Variants in TOM1L2 observed in about 807,000 individuals in gnomAD.
TOM1L2 encodes TOM1-like protein 2.
Under a neutral mutation model 67.9 loss-of-function variants are expected in TOM1L2, and 31 were observed. That is an observed-to-expected ratio of 0.46 (90% CI 0.34 to 0.62). TOM1L2 has a LOEUF of 0.62. TOM1L2 is among the 20% of genes least tolerant of loss of function. The probability of loss-of-function intolerance (pLI) is 0.01; values close to 1 mark genes in which losing one functional copy is unlikely to be tolerated. For missense variants in TOM1L2, 606 were observed against 663.5 expected (o/e 0.91, Z 0.95); for synonymous variants, 256 against 254.0 (o/e 1.01, Z -0.07).
chr17:17,930,643 C>T (rs986798176), intron 1 of TOM1L2, among the ~76,000 whole-genome samples: 2 of 152,108 alleles, frequency 1.3e-5, no homozygotes, highest in Non-Finnish European at 2.9e-5. Flanking sequence ...TGTGATGGTA[C>T]AAGAAGGGTA....
intron 3 of TOM1L2, among the ~76,000 whole-genome samples, chr17:17,897,819 T>C (rs2038646819): frequency 6.6e-6 from 1 of 152,184 alleles, no homozygotes; most frequent in Middle Eastern, 3.4e-3. Flanking sequence ...CGGGGGAGGA[T>C]AGTAAAATCT....
chr17:17,952,259 C>T (rs1454913385), intron 1 of TOM1L2, among the ~76,000 whole-genome samples: 1 of 151,334 alleles, frequency 6.6e-6, no homozygotes, highest in Non-Finnish European at 1.5e-5. Context: ...CCCATTTATA[C>T]AAAAGAAACT....
Position 17,844,800 on chromosome 17 carries a change from G to A in TOM1L2, c.*2835C>T. ...TCACATCTCAGCAACAATGAACGCA[G>A]AAAGGGTTAAACACATTCCCAAGAA... is the stretch of plus-strand genomic sequence containing the variant. On this transcript the variant is annotated 3_prime_UTR_variant, in exon 15 of 15. Coordinates refer to ENST00000379504, the MANE Select transcript of TOM1L2 (RefSeq NM_001082968.2). 6.6e-6 allele frequency: 1 copy of A among 152,256 alleles called. No individual in the cohort carries two copies. Among genetic ancestry groups the A allele is most frequent in the East Asian group, 1.9e-4 (1 of 5,202 alleles). The allele number at this position is 152,256 out of a possible 1,614,324, so 9.4% of individuals were successfully genotyped here.
At chr17:17,923,205 C>A (rs1336722953) in intron 1 of TOM1L2, among the ~76,000 whole-genome samples, 1 of 152,044 alleles carries the variant, frequency 6.6e-6, no homozygotes, top group Non-Finnish European at 1.5e-5. Flanking sequence ...CAAGACCAGC[C>A]TGGCCAACTT....
At chr17:17,910,737 T>G (rs2039310329) in intron 1 of TOM1L2, among the ~76,000 whole-genome samples, 1 of 152,008 alleles carries the variant, frequency 6.6e-6, no homozygotes, top group South Asian at 2.1e-4. Flanking sequence ...GCCTGGCTAA[T>G]TTTTGTATTT....
chr17:17,958,276 G>T (rs773560651), intron 1 of TOM1L2, among the ~76,000 whole-genome samples: 1 of 152,160 alleles, frequency 6.6e-6, no homozygotes, highest in South Asian at 2.1e-4. Flanking sequence ...CAAATCAGCA[G>T]CAGAGCAGTG....
At chr17:17,870,758 T>C (rs1012699906) in intron 7 of TOM1L2, among the ~76,000 whole-genome samples, 7 of 152,206 alleles carry the variant, frequency 4.6e-5, no homozygotes, top group South Asian at 2.1e-4. Context: ...TCATAAACTC[T>C]TGAGGGGGTG....
intron 1 of TOM1L2, among the ~76,000 whole-genome samples, chr17:17,925,541 T>C (rs2040046170): frequency 6.6e-6 from 1 of 151,942 alleles, no homozygotes; most frequent in South Asian, 2.1e-4. Flanking sequence ...AATTCTTCCA[T>C]CAAAAATAGC....
At chr17:17,859,931 G>C (rs1395293747) in intron 12 of TOM1L2, 1 of 152,272 alleles carries the variant, frequency 6.6e-6, no homozygotes, top group African/African-American at 2.4e-5. Context: ...GGAGTCATCA[G>C]GACCTTTGAA....
In TOM1L2 at chr17:17,900,377, C is replaced by G. The variant is rs538958845; in HGVS notation, c.138-1703G>C. Among the ~76,000 whole-genome samples the G allele has an allele frequency of 2.0e-5, 3 of 151,890 alleles. No homozygotes were observed. In the South Asian group the frequency reaches 6.2e-4, roughly 32 times the overall value. On this transcript the variant is annotated intron_variant, in intron 2 of 14. Coordinates refer to ENST00000379504, the MANE Select transcript of TOM1L2 (RefSeq NM_001082968.2). ...TCTACTAAAAATACAAAAAAATTAG[C>G]TGGGCATGGTGATGTGTGCCTGTAG...
intron 1 of TOM1L2, among the ~76,000 whole-genome samples, chr17:17,925,389 G>GTTGAA (rs1407690746): frequency 1.3e-5 from 2 of 152,122 alleles, no homozygotes; most frequent in African/African-American, 2.4e-5. Flanking sequence ...TAATCAGTGT[G>GTTGAA]TTGAAGTATT....
chr17:17,948,306 C>T (rs960060941), intron 1 of TOM1L2, among the ~76,000 whole-genome samples: 1 of 152,138 alleles, frequency 6.6e-6, no homozygotes, highest in Non-Finnish European at 1.5e-5. Context: ...AGGGCAATAG[C>T]CCCCCAGAGC....
intron 1 of TOM1L2, among the ~76,000 whole-genome samples, chr17:17,931,920 G>T (rs1179532851): frequency 1.3e-5 from 2 of 152,154 alleles, no homozygotes; most frequent in African/African-American, 4.8e-5. Flanking sequence ...ATAACCCGAG[G>T]TGGCCACCTT....
intron 1 of TOM1L2, among the ~76,000 whole-genome samples, chr17:17,909,124 T>C (rs1340622988): frequency 6.6e-6 from 1 of 152,154 alleles, no homozygotes; most frequent in Non-Finnish European, 1.5e-5. Context: ...GAGCTTGCAG[T>C]GAGCCAAGTT....
chr17:17,938,822 C>T (rs1053658026), intron 1 of TOM1L2, among the ~76,000 whole-genome samples: 4 of 151,148 alleles, frequency 2.6e-5, no homozygotes, highest in Admixed American at 6.6e-5. Context: ...ACCGCCCCAC[C>T]TTGGCCTCCT....
chr17:17,943,787 C>T (rs1261451727), intron 1 of TOM1L2, among the ~76,000 whole-genome samples: 1 of 152,192 alleles, frequency 6.6e-6, no homozygotes, highest in African/African-American at 2.4e-5. Context: ...CAACCTGATC[C>T]TCAGGGTGAC....
At chr17:17,854,652 G>A (rs2036168392) in intron 12 of TOM1L2, among the ~76,000 whole-genome samples, 1 of 151,826 alleles carries the variant, frequency 6.6e-6, no homozygotes, top group Non-Finnish European at 1.5e-5. Context: ...AGCCTCCTGA[G>A]TAGCTGGGAT....
At chr17:17,937,114 C>A (rs1401849574) in intron 1 of TOM1L2, among the ~76,000 whole-genome samples, 1 of 152,166 alleles carries the variant, frequency 6.6e-6, no homozygotes, top group Admixed American at 6.5e-5. Flanking sequence ...GTCCCTGCAG[C>A]CCCAAAGGAT....
intron 1 of TOM1L2, among the ~76,000 whole-genome samples, chr17:17,935,554 A>C (rs946761723): frequency 1.8e-4 from 27 of 152,142 alleles, no homozygotes; most frequent in Non-Finnish European, 3.1e-4. Context: ...CTGCTCTAGG[A>C]GGTAGCTTAG....
Sources: gnomAD v4.1 joint callset for allele counts (sites outside exome capture counted in the v4.1 genomes callset) on GRCh38, gnomAD v4.1.1 for gene constraint, MANE v1.5 for transcripts, NCBI Gene and HGNC (gene_info 2026-07-23, HGNC 2026-07-21) for gene names.